The following LARGE1 variants were observed in gnomAD, a reference collection of about 807,000 sequenced individuals.
LARGE1 encodes xylosyl- and glucuronyltransferase LARGE1.
Under a neutral mutation model 87.6 loss-of-function variants are expected in LARGE1, and 43 were observed. The ratio of observed to expected loss-of-function variants is 0.49; its 90% confidence interval spans 0.38 to 0.63. The LOEUF is 0.63. Among genes scored for constraint, LARGE1 ranks in the 30% least tolerant of loss-of-function variants. LARGE1 has a pLI of 0.00. For missense variants in LARGE1, 802 were observed against 1,000.2 expected (o/e 0.80, Z 2.67); for synonymous variants, 434 against 394.6 (o/e 1.10, Z -1.18).
At chr22:33,087,746 T>C in the LARGE1 span, among the ~76,000 whole-genome samples, 106 of 152,120 alleles carry the variant, frequency 7.0e-4, no homozygotes, top group Admixed American at 1.3e-3. Flanking sequence ...ATCAGCCTGG[T>C]CAGCAGGGCG....
intron 6 of LARGE1, among the ~76,000 whole-genome samples, chr22:33,443,434 G>A (rs971824082): frequency 6.6e-6 from 1 of 152,320 alleles, no homozygotes; most frequent in African/African-American, 2.4e-5. Context: ...TGTCTGCACT[G>A]CCACCTGGGG....
At chr22:33,124,629 C>G in the LARGE1 span, among the ~76,000 whole-genome samples, 1 of 152,160 alleles carries the variant, frequency 6.6e-6, no homozygotes, top group Non-Finnish European at 1.5e-5. Flanking sequence ...CCTCATCAAT[C>G]ACTGACCACC....
intron 5 of LARGE1, among the ~76,000 whole-genome samples, chr22:33,596,801 T>C (rs1327946936): frequency 6.6e-6 from 1 of 152,228 alleles, no homozygotes; most frequent in African/African-American, 2.4e-5. Flanking sequence ...GAGTGCCTAT[T>C]ATGTGCCAAG....
chr22:33,668,882 G>A (rs1483821114), intron 2 of LARGE1, among the ~76,000 whole-genome samples: 2 of 152,202 alleles, frequency 1.3e-5, no homozygotes, highest in South Asian at 2.1e-4. Context: ...ATGTAATGGC[G>A]TAAAAAGATG....
chr22:33,225,163 C>T (rs1010685414), intron 11 of LARGE1, among the ~76,000 whole-genome samples: 3 of 152,230 alleles, frequency 2.0e-5, no homozygotes, highest in African/African-American at 7.2e-5. Flanking sequence ...AAGAGGTGTC[C>T]CTGGGTGCTA....
chr22:33,572,146 CA>C (rs748039031), intron 5 of LARGE1: 1 of 1,132,548 alleles, frequency 8.8e-7, no homozygotes, highest in South Asian at 1.3e-5. Flanking sequence ...ATTGCTTACC[CA>C]TATTAACATT....
chr22:33,641,397 A>G (rs1410066022), intron 3 of LARGE1, among the ~76,000 whole-genome samples: 1 of 152,204 alleles, frequency 6.6e-6, no homozygotes, highest in Non-Finnish European at 1.5e-5. Context: ...CCAAGATCAA[A>G]GGTAGATAAA....
At chr22:33,239,602 G>A (rs1313033537) in intron 11 of LARGE1, among the ~76,000 whole-genome samples, 5 of 140,410 alleles carry the variant, frequency 3.6e-5, no homozygotes, top group Admixed American at 7.6e-5. Context: ...GCAGTGGCGC[G>A]ATCTCGGCTC....
intron 1 of LARGE1, among the ~76,000 whole-genome samples, chr22:33,798,290 CTCAA>C (rs58724713): frequency 0.039 from 5,915 of 151,660 alleles, 211 homozygotes; most frequent in South Asian, 0.21. Context: ...AACTCTGTCT[CTCAA>C]TCAATCAATC....
At chr22:33,315,628 CTTTT>C (rs1332223725) in intron 11 of LARGE1, among the ~76,000 whole-genome samples, 1 of 151,030 alleles carries the variant, frequency 6.6e-6, no homozygotes, top group Non-Finnish European at 1.5e-5. Context: ...TATCAGTACT[CTTTT>C]TTTTTCTTTT....
chr22:33,486,544 G>C (rs1263801561), intron 6 of LARGE1, among the ~76,000 whole-genome samples: 5 of 152,258 alleles, frequency 3.3e-5, no homozygotes, highest in Non-Finnish European at 7.3e-5. Context: ...GAGAGAGAGA[G>C]AGGAGAGCGC....
At chr22:33,774,317 A>G (rs1479749286) in intron 1 of LARGE1, among the ~76,000 whole-genome samples, 1 of 151,630 alleles carries the variant, frequency 6.6e-6, no homozygotes, top group Admixed American at 6.5e-5. Context: ...ACTTAAAAAA[A>G]GGGTTAAAAA....
intron 9 of LARGE1, among the ~76,000 whole-genome samples, chr22:33,357,219 G>A (rs984250757): frequency 2.0e-5 from 3 of 152,108 alleles, no homozygotes; most frequent in Non-Finnish European, 4.4e-5. Context: ...GGATAGGACT[G>A]GAGGCCTTAT....
At chr22:33,295,356 G>A (rs1933103978) in intron 12 of LARGE1, among the ~76,000 whole-genome samples, 1 of 152,364 alleles carries the variant, frequency 6.6e-6, no homozygotes, top group East Asian at 1.9e-4. Flanking sequence ...ACATGTGTGT[G>A]TACATGCGTG....
At chr22:33,572,587 C>A (rs189609846) in intron 5 of LARGE1, among the ~76,000 whole-genome samples, 1 of 152,118 alleles carries the variant, frequency 6.6e-6, no homozygotes, top group South Asian at 2.1e-4. Flanking sequence ...CATCAGGGCT[C>A]GATATGAGTG....
At chr22:33,695,385 G>A (rs1271351962) in intron 2 of LARGE1, among the ~76,000 whole-genome samples, 1 of 152,028 alleles carries the variant, frequency 6.6e-6, no homozygotes, top group Admixed American at 6.6e-5. Context: ...ATACCCAGCC[G>A]TGATTTTCTT....
chr22:33,717,652 GCTT>G, intron 2 of LARGE1, among the ~76,000 whole-genome samples: 1 of 152,284 alleles, frequency 6.6e-6, no homozygotes, highest in Admixed American at 6.5e-5. Context: ...CCCAACAGAT[GCTT>G]CTTTTGTGAA....
chr22:33,826,574 G>A (rs563997723), intron 1 of LARGE1, among the ~76,000 whole-genome samples: 32 of 151,932 alleles, frequency 2.1e-4, no homozygotes, highest in African/African-American at 6.8e-4. Context: ...AACTCCTGAC[G>A]TTGTGATCCG....
rs115819815 is a variant in LARGE1, at chr22:33,556,140, G to C, written c.787+8708C>G. Among the ~76,000 whole-genome samples, 886 of 151,840 alleles carry C rather than the reference G, an allele frequency of 5.8e-3. 7 individuals are homozygous for C. The highest frequency in any genetic ancestry group is 0.02 in the African/African-American group (839 of 41,378). On this transcript the variant is annotated intron_variant, in intron 6 of 14. Transcript: ENST00000397394. ...CAATGCTTTCCCTAAAATGTGATTC[G>C]ACCTCACCCTGACTTTTCCCTTTCA...
Sources: allele counts gnomAD v4.1 joint callset (sites outside exome capture counted in the v4.1 genomes callset), GRCh38; gene constraint gnomAD v4.1.1; transcripts MANE v1.5; gene names NCBI Gene and HGNC (gene_info 2026-07-23, HGNC 2026-07-21).